ARB2A: variants seen among roughly 807,000 people sequenced by gnomAD.
ARB2A encodes cotranscriptional regulator ARB2A.
chr5:94,086,867 T>G, the ARB2A span, among the ~76,000 whole-genome samples: 7 of 152,202 alleles, frequency 4.6e-5, no homozygotes, highest in African/African-American at 1.7e-4. Context: ...ACTATGTTTT[T>G]ACTACACAAT....
the ARB2A span, among the ~76,000 whole-genome samples, chr5:93,908,731 G>T: frequency 4.6e-5 from 7 of 150,914 alleles, no homozygotes; most frequent in African/African-American, 1.7e-4. Context: ...TAAGGTGAGG[G>T]TATGTTACCT....
the ARB2A span, among the ~76,000 whole-genome samples, chr5:93,779,187 A>G: frequency 6.6e-6 from 1 of 152,142 alleles, no homozygotes; most frequent in African/African-American, 2.4e-5. Flanking sequence ...TATAGAAAAA[A>G]GGGCAAAACA....
chr5:94,066,421 A>AGC, the ARB2A span, among the ~76,000 whole-genome samples: 95 of 122,938 alleles, frequency 7.7e-4, 1 homozygote, highest in Admixed American at 6.6e-3. Context: ...TGCCAGACTA[A>AGC]GCACACACAC....
the ARB2A span, among the ~76,000 whole-genome samples, chr5:93,843,852 T>C: frequency 1.3e-5 from 2 of 151,846 alleles, no homozygotes. Context: ...AGCAAAGTTG[T>C]ATAATGAGAA....
At chr5:94,029,111 C>T in the ARB2A span, among the ~76,000 whole-genome samples, 1 of 152,146 alleles carries the variant, frequency 6.6e-6, no homozygotes, top group Non-Finnish European at 1.5e-5. Context: ...CCCACCTCAT[C>T]ATTCCGAGTA....
chr5:93,806,018 C>T, the ARB2A span: 1 of 866,348 alleles, frequency 1.2e-6, no homozygotes. Context: ...GATATATATT[C>T]AGTCATTCAG....
the ARB2A span, among the ~76,000 whole-genome samples, chr5:93,642,666 G>A: frequency 1.0e-3 from 155 of 152,128 alleles, no homozygotes; most frequent in African/African-American, 3.0e-3. Flanking sequence ...GAGCCACTGT[G>A]ACCGGCCCCC....
At chr5:93,705,780 C>T in the ARB2A span, among the ~76,000 whole-genome samples, 1 of 152,004 alleles carries the variant, frequency 6.6e-6, no homozygotes, top group Non-Finnish European at 1.5e-5. Context: ...AAATGCCCTT[C>T]ACTGAAAACT....
the ARB2A span, among the ~76,000 whole-genome samples, chr5:94,008,854 A>G: frequency 2.0e-4 from 31 of 152,244 alleles, no homozygotes; most frequent in Non-Finnish European, 3.4e-4. Context: ...TCCAACTTCA[A>G]TTAACCAATT....
the ARB2A span, among the ~76,000 whole-genome samples, chr5:93,915,067 C>T: frequency 2.6e-5 from 4 of 151,884 alleles, no homozygotes; most frequent in Non-Finnish European, 4.4e-5. Flanking sequence ...AGAAAGATTC[C>T]GTATCACATG....
the ARB2A span, among the ~76,000 whole-genome samples, chr5:93,790,289 A>C: frequency 3.8e-4 from 58 of 152,338 alleles, no homozygotes; most frequent in Non-Finnish European, 6.9e-4. Context: ...TCATCCCACA[A>C]AAATATGCCA....
the ARB2A span, chr5:93,881,826 T>C: frequency 2.3e-6 from 1 of 434,440 alleles, no homozygotes; most frequent in Non-Finnish European, 3.9e-6. Context: ...GGCAAGATAA[T>C]GATTTTATTT....
chr5:93,881,362 T>A, the ARB2A span: 1 of 827,740 alleles, frequency 1.2e-6, no homozygotes, highest in Non-Finnish European at 1.8e-6. Flanking sequence ...AAATAAATGA[T>A]GACAAATAAA....
chr5:93,970,168 A>G, the ARB2A span, among the ~76,000 whole-genome samples: 1 of 152,148 alleles, frequency 6.6e-6, no homozygotes, highest in Non-Finnish European at 1.5e-5. Context: ...AAAAATTTCT[A>G]TATTAGGCAT....
At chr5:93,919,085 G>A in the ARB2A span, among the ~76,000 whole-genome samples, 1 of 152,146 alleles carries the variant, frequency 6.6e-6, no homozygotes, top group African/African-American at 2.4e-5. Flanking sequence ...AGATTCCACA[G>A]GTAATTCCAG....
the ARB2A span, among the ~76,000 whole-genome samples, chr5:93,916,005 G>A: frequency 6.6e-6 from 1 of 152,058 alleles, no homozygotes; most frequent in South Asian, 2.1e-4. Context: ...CCAAGTACAG[G>A]ATGTTGAGCT....
At chr5:93,931,593 C>A in the ARB2A span, among the ~76,000 whole-genome samples, 3 of 152,186 alleles carry the variant, frequency 2.0e-5, no homozygotes, top group African/African-American at 7.2e-5. Flanking sequence ...CCAAATACAT[C>A]TTCCAATTCA....
At chr5:93,762,156 A>C in the ARB2A span, among the ~76,000 whole-genome samples, 1 of 152,218 alleles carries the variant, frequency 6.6e-6, no homozygotes, top group African/African-American at 2.4e-5. Flanking sequence ...TCTCCTCCTC[A>C]AAGGAATGCA....
At chr5:93,904,181 C>T in the ARB2A span, among the ~76,000 whole-genome samples, 1 of 151,906 alleles carries the variant, frequency 6.6e-6, no homozygotes, top group African/African-American at 2.4e-5. Context: ...CACGTCAGGG[C>T]TAATGGTAAG....
Sources: allele counts gnomAD v4.1 joint callset (sites outside exome capture counted in the v4.1 genomes callset), GRCh38; gene constraint gnomAD v4.1.1; transcripts MANE v1.5; gene names NCBI Gene and HGNC (gene_info 2026-07-23, HGNC 2026-07-21).